The following CTNNA2 variants were observed in gnomAD, a reference collection of about 807,000 sequenced individuals.
The protein encoded by CTNNA2 is catenin alpha 2, also known as catenin alpha-2.
A neutral mutation model predicts 101.0 loss-of-function variants in CTNNA2; 42 were observed. The ratio of observed to expected loss-of-function variants is 0.42; its 90% CI spans 0.32 to 0.54. The LOEUF is 0.54. Ranked by LOEUF, CTNNA2 falls within the 20% of genes least tolerant of loss-of-function variation. The pLI, the probability that CTNNA2 is intolerant of heterozygous loss-of-function variation, is 0.14. For missense variants in CTNNA2, 871 were observed against 1,223.1 expected, an observed-to-expected ratio of 0.71 and a Z score of 4.29; for synonymous variants, 450 against 456.4, an observed-to-expected ratio of 0.99 and a Z score of 0.18.
chr2:79,483,390 A>G (rs985778229), intron 4 of CTNNA2, among the ~76,000 whole-genome samples: 2 of 152,210 alleles, frequency 1.3e-5, no homozygotes, highest in African/African-American at 4.8e-5. Flanking sequence ...AAAGGGGCAC[A>G]TCATTGCCAG....
chr2:79,329,716 A>G (rs987966433), intron 3 of CTNNA2, among the ~76,000 whole-genome samples: 1 of 152,152 alleles, frequency 6.6e-6, no homozygotes, highest in African/African-American at 2.4e-5. Context: ...TGTTCTGATG[A>G]GAGACACTTA....
At chr2:79,885,670 G>T (rs560629167) in intron 6 of CTNNA2, among the ~76,000 whole-genome samples, 1 of 152,294 alleles carries the variant, frequency 6.6e-6, no homozygotes, top group African/African-American at 2.4e-5. Flanking sequence ...TCCATGTTAG[G>T]CTATGAAGAT....
chr2:80,212,957 G>A (rs558887990), intron 7 of CTNNA2, among the ~76,000 whole-genome samples: 4 of 152,084 alleles, frequency 2.6e-5, no homozygotes, highest in African/African-American at 4.8e-5. Context: ...TGTATGTGTC[G>A]AGGAATTTAT....
At chr2:80,195,063 C>A (rs1311365114) in intron 7 of CTNNA2, among the ~76,000 whole-genome samples, 1 of 152,116 alleles carries the variant, frequency 6.6e-6, no homozygotes, top group Non-Finnish European at 1.5e-5. Flanking sequence ...TCATTCCTTG[C>A]AGCAACTAGC....
intron 2 of CTNNA2, among the ~76,000 whole-genome samples, chr2:79,716,612 T>C (rs962797488): frequency 3.9e-4 from 59 of 152,290 alleles, no homozygotes; most frequent in African/African-American, 1.3e-3. Flanking sequence ...GTCTTAAGGC[T>C]GAAGGGATAT....
intron 2 of CTNNA2, among the ~76,000 whole-genome samples, chr2:79,262,237 C>T (rs372238219): frequency 1.3e-5 from 2 of 152,068 alleles, no homozygotes; most frequent in Non-Finnish European, 2.9e-5. Flanking sequence ...ATGTTCTAAC[C>T]ATGCAGGGGA....
rs1198320901 is a variant in CTNNA2 at position 80,318,520 on chromosome 2, A to G, written c.1057-74691A>G. Among the ~76,000 whole-genome samples the G allele has an allele frequency of 2.0e-5, 3 of 152,110 alleles. No individual in the cohort carries two copies. In the East Asian group the frequency reaches 5.8e-4, roughly 29 times the overall value. ...ATAAAGAGTGGGAGTTGGGTTTGAG[A>G]ATTTCTAAGATCCCGTTGAGCTTTG... On this transcript the variant is annotated intron_variant, in intron 7 of 18. Coordinates refer to ENST00000402739, the MANE Select transcript of CTNNA2 (RefSeq NM_001282597.3).
upstream of CTNNA2, among the ~76,000 whole-genome samples, chr2:79,512,840 G>T (rs951638726): frequency 1.3e-5 from 2 of 151,046 alleles, no homozygotes; most frequent in African/African-American, 2.4e-5. Flanking sequence ...GCCACCCCTC[G>T]ATGCCCGGTG....
intron 2 of CTNNA2, among the ~76,000 whole-genome samples, chr2:79,679,885 C>A (rs970707532): frequency 6.6e-6 from 1 of 152,056 alleles, no homozygotes; most frequent in African/African-American, 2.4e-5. Context: ...GAGACAGTCT[C>A]CATGGCATCT....
intron 3 of CTNNA2, among the ~76,000 whole-genome samples, chr2:79,773,596 G>A (rs1375957003): frequency 1.3e-5 from 2 of 152,160 alleles, no homozygotes; most frequent in African/African-American, 2.4e-5. Flanking sequence ...AGAATGGGAA[G>A]CAGGTTTGCC....
intron 7 of CTNNA2, among the ~76,000 whole-genome samples, chr2:79,915,661 T>G (rs2104353533): frequency 6.6e-6 from 1 of 152,356 alleles, no homozygotes; most frequent in African/African-American, 2.4e-5. Flanking sequence ...ACAGTTTCTG[T>G]GGTTCAGGGG....
At chr2:79,522,206 T>G (rs897455290) in intron 1 of CTNNA2, among the ~76,000 whole-genome samples, 1 of 152,246 alleles carries the variant, frequency 6.6e-6, no homozygotes, top group Non-Finnish European at 1.5e-5. Flanking sequence ...GTGTCATTGC[T>G]GGGCCCACAG....
chr2:79,683,539 G>A (rs1022629660), intron 2 of CTNNA2, among the ~76,000 whole-genome samples: 3 of 152,128 alleles, frequency 2.0e-5, no homozygotes, highest in Non-Finnish European at 4.4e-5. Flanking sequence ...CATCATTCAG[G>A]GAAGAGTATG....
intron 7 of CTNNA2, among the ~76,000 whole-genome samples, chr2:80,344,307 G>A (rs144656409): frequency 0.011 from 1,630 of 151,732 alleles, 16 homozygotes; most frequent in Non-Finnish European, 0.018. Flanking sequence ...GGACATTTTC[G>A]TAGATGCACA....
intron 3 of CTNNA2, among the ~76,000 whole-genome samples, chr2:79,759,975 T>C (rs1036455381): frequency 1.3e-5 from 2 of 152,146 alleles, no homozygotes; most frequent in Non-Finnish European, 2.9e-5. Flanking sequence ...CCAAAGCAGG[T>C]CTTAAAGCTA....
chr2:79,668,416 A>C (rs183080357), intron 2 of CTNNA2, among the ~76,000 whole-genome samples: 2 of 119,472 alleles, frequency 1.7e-5, no homozygotes, highest in Non-Finnish European at 3.5e-5. Flanking sequence ...ATCTTTTAAA[A>C]CTCTGTTAGT....
At chr2:79,588,976 G>T (rs190410605) in intron 1 of CTNNA2, among the ~76,000 whole-genome samples, 2 of 152,294 alleles carry the variant, frequency 1.3e-5, no homozygotes, top group Non-Finnish European at 2.9e-5. Context: ...GCATTTGGAG[G>T]ACTAACCAGG....
chr2:79,805,778 A>T (rs566146426), intron 3 of CTNNA2, among the ~76,000 whole-genome samples: 79 of 152,110 alleles, frequency 5.2e-4, no homozygotes, highest in African/African-American at 1.8e-3. Context: ...TCTACTAAAA[A>T]TACAAAAAAA....
chr2:79,398,106 T>A (rs558631018), intron 4 of CTNNA2, among the ~76,000 whole-genome samples: 16 of 152,270 alleles, frequency 1.1e-4, no homozygotes, highest in African/African-American at 3.6e-4. Flanking sequence ...AAGATAATTC[T>A]CTATGATATT....
Sources: gnomAD v4.1 joint callset for allele counts (sites outside exome capture counted in the v4.1 genomes callset) on GRCh38, gnomAD v4.1.1 for gene constraint, MANE v1.5 for transcripts, NCBI Gene and HGNC (gene_info 2026-07-23, HGNC 2026-07-21) for gene names.